Variants in FBXL17 observed in about 807,000 individuals in gnomAD.
FBXL17 encodes F-box/LRR-repeat protein 17.
Under a neutral mutation model 66.2 loss-of-function variants are expected in FBXL17, and 22 were observed. The observed-to-expected ratio is 0.33, with a 90% CI of 0.24 to 0.47. FBXL17 has a LOEUF of 0.47. Ranked by LOEUF, FBXL17 falls within the 20% of genes least tolerant of loss-of-function variation. The pLI is 1.00. For synonymous variants in FBXL17, 474 were observed against 400.5 expected, an observed-to-expected ratio of 1.18 and a Z score of -2.19; for missense variants, 878 against 948.2, an observed-to-expected ratio of 0.93 and a Z score of 0.97.
At chr5:108,315,811 A>G (rs1017576840) in intron 4 of FBXL17, among the ~76,000 whole-genome samples, 2 of 151,598 alleles carry the variant, frequency 1.3e-5, no homozygotes, top group Non-Finnish European at 3.0e-5. Context: ...TTTAAAATAC[A>G]TAAAATATTT....
chr5:108,118,816 C>T (rs1316320749), intron 6 of FBXL17, among the ~76,000 whole-genome samples: 4 of 152,172 alleles, frequency 2.6e-5, no homozygotes, highest in African/African-American at 7.2e-5. Flanking sequence ...TCCAACTTCT[C>T]GCACTTCCAA....
At chr5:108,322,358 A>G (rs1759657788) in intron 4 of FBXL17, among the ~76,000 whole-genome samples, 1 of 151,902 alleles carries the variant, frequency 6.6e-6, no homozygotes, top group South Asian at 2.1e-4. Flanking sequence ...TTCAGAGGAG[A>G]AAAAAAGGGA....
intron 6 of FBXL17, among the ~76,000 whole-genome samples, chr5:108,147,511 T>A (rs1751605668): frequency 6.6e-6 from 1 of 151,926 alleles, no homozygotes; most frequent in Non-Finnish European, 1.5e-5. Flanking sequence ...CACAATGAGA[T>A]CCTGTCTGAA....
chr5:108,048,817 G>A (rs374890378), intron 6 of FBXL17, among the ~76,000 whole-genome samples: 7 of 152,036 alleles, frequency 4.6e-5, no homozygotes, highest in South Asian at 2.1e-4. Context: ...GTAAAAAGGC[G>A]GAACCTGGGA....
chr5:107,994,215 G>A (rs1016211276), intron 7 of FBXL17, among the ~76,000 whole-genome samples: 50 of 151,968 alleles, frequency 3.3e-4, no homozygotes, highest in African/African-American at 1.1e-3. Flanking sequence ...ACATGATATC[G>A]CAAATATTGA....
intron 6 of FBXL17, among the ~76,000 whole-genome samples, chr5:108,170,673 A>G (rs750762470): frequency 3.3e-5 from 5 of 152,242 alleles, no homozygotes; most frequent in Non-Finnish European, 7.4e-5. Context: ...AGCTGGGACT[A>G]TAAGTGTCTG....
chr5:108,173,440 T>C (rs1752681053), intron 6 of FBXL17, among the ~76,000 whole-genome samples: 1 of 152,044 alleles, frequency 6.6e-6, no homozygotes, highest in Non-Finnish European at 1.5e-5. Context: ...TAGAGAAAAT[T>C]TTAATTTTGT....
chr5:107,977,093 G>C (rs754025645), intron 7 of FBXL17, among the ~76,000 whole-genome samples: 8 of 152,126 alleles, frequency 5.3e-5, no homozygotes, highest in Non-Finnish European at 7.4e-5. Flanking sequence ...GTTGGGTATA[G>C]GCAAGCAGGA....
intron 7 of FBXL17, among the ~76,000 whole-genome samples, chr5:107,889,905 A>T (rs1403275035): frequency 1.3e-5 from 2 of 152,206 alleles, no homozygotes; most frequent in East Asian, 3.8e-4. Context: ...GGGCATATTT[A>T]GAACTAACAT....
chr5:108,078,005 G>C (rs1748620114), intron 6 of FBXL17, among the ~76,000 whole-genome samples: 1 of 152,066 alleles, frequency 6.6e-6, no homozygotes, highest in Non-Finnish European at 1.5e-5. Context: ...TTAAACACCT[G>C]ATTAAAACTA....
Position 108,339,115 on chromosome 5 carries a change from G to A in FBXL17, c.1506+9284C>T, listed in dbSNP as rs143709721. Reference sequence around the variant, plus strand: ...CAGTTTGTAAACTATATTTAGAAAGGCAAATCTTTATTTAAAAAAGAAAGA... The same window carrying A: ...CAGTTTGTAAACTATATTTAGAAAGACAAATCTTTATTTAAAAAAGAAAGA... On this transcript the variant is annotated intron_variant, in intron 4 of 8. Coordinates refer to ENST00000542267, the MANE Select transcript of FBXL17 (RefSeq NM_001163315.3). Among the ~76,000 whole-genome samples the A allele has an allele frequency of 4.9e-3, 743 of 152,136 alleles. 5 individuals carry two copies. Among genetic ancestry groups the A allele is most frequent in the African/African-American group, 0.017 (705 of 41,488 alleles).
intron 6 of FBXL17, among the ~76,000 whole-genome samples, chr5:108,169,415 C>A (rs1409244520): frequency 6.6e-6 from 1 of 152,124 alleles, no homozygotes; most frequent in East Asian, 1.9e-4. Flanking sequence ...TAGAAAACAA[C>A]TGTTGTTTTG....
At chr5:107,931,449 C>G (rs1488574872) in intron 7 of FBXL17, among the ~76,000 whole-genome samples, 1 of 151,600 alleles carries the variant, frequency 6.6e-6, no homozygotes, top group African/African-American at 2.4e-5. Context: ...TTTATAGAGA[C>G]GGAGTTTTCC....
At chr5:108,165,512 C>T (rs552051810) in intron 6 of FBXL17, among the ~76,000 whole-genome samples, 136 of 152,212 alleles carry the variant, frequency 8.9e-4, no homozygotes, top group Non-Finnish European at 1.1e-3. Context: ...AGAAAACAAA[C>T]GTTGGTGACA....
At chr5:107,941,317 A>C (rs758011542) in intron 7 of FBXL17, among the ~76,000 whole-genome samples, 3 of 152,184 alleles carry the variant, frequency 2.0e-5, no homozygotes, top group Admixed American at 2.0e-4. Flanking sequence ...CTATCATTGC[A>C]TCTTGGGCAA....
rs1754394989 is a variant in FBXL17, at chr5:108,212,007, T to C, written c.1614+12114A>G. 3.3e-5 allele frequency among the ~76,000 whole-genome samples: 5 copies of C among 152,228 alleles called. 2 individuals carry two copies. The South Asian group carries it at 1.0e-3, about 32-fold the overall frequency. On this transcript the variant is annotated intron_variant, in intron 5 of 8. Coordinates refer to ENST00000542267, the MANE Select transcript of FBXL17 (RefSeq NM_001163315.3). ...GTCTTTTCACACAGTCCCATATTTC[T>C]TGTTCCTTTGTTCGTTCCTTTTTAT...
At chr5:108,038,443 G>T (rs1411044883) in intron 6 of FBXL17, among the ~76,000 whole-genome samples, 1 of 151,970 alleles carries the variant, frequency 6.6e-6, no homozygotes, top group Admixed American at 6.6e-5. Flanking sequence ...ATGGCAAAAT[G>T]TTGGCAATTG....
intron 7 of FBXL17, among the ~76,000 whole-genome samples, chr5:107,901,514 C>T (rs1028700765): frequency 1.3e-5 from 2 of 152,140 alleles, no homozygotes; most frequent in Admixed American, 6.6e-5. Context: ...TTACTAAACC[C>T]CAATGCCTAA....
At chr5:107,905,696 A>G (rs1048514525) in intron 7 of FBXL17, among the ~76,000 whole-genome samples, 4 of 152,208 alleles carry the variant, frequency 2.6e-5, no homozygotes, top group Admixed American at 2.6e-4. Context: ...CTCTCTGGAT[A>G]TACAGATGAA....
Sources: allele counts gnomAD v4.1 joint callset (sites outside exome capture counted in the v4.1 genomes callset), GRCh38; gene constraint gnomAD v4.1.1; transcripts MANE v1.5; gene names NCBI Gene and HGNC (gene_info 2026-07-23, HGNC 2026-07-21).